BICC1: variants seen among roughly 807,000 people sequenced by gnomAD.
The protein encoded by BICC1 is protein bicaudal C homolog 1.
In BICC1, 43 loss-of-function variants were observed where a neutral mutation model predicts 111.0. That is an observed-to-expected ratio of 0.39 (90% CI 0.30 to 0.50). The LOEUF (loss-of-function observed/expected upper bound fraction) is 0.50. Ranked by LOEUF, BICC1 falls within the 20% of genes least tolerant of loss-of-function variation. The pLI, the probability that BICC1 is intolerant of heterozygous loss-of-function variation, is 0.88. For synonymous variants in BICC1, 467 were observed against 434.4 expected (o/e 1.07, Z -0.93); for missense variants, 1,091 against 1,203.2 (o/e 0.91, Z 1.38).
intron 1 of BICC1, among the ~76,000 whole-genome samples, chr10:58,608,927 G>A (rs1457963107): frequency 1.3e-5 from 2 of 152,174 alleles, no homozygotes; most frequent in Admixed American, 6.5e-5. Context: ...TCTCTTCTTT[G>A]CCCTCTGTCA....
intron 2 of BICC1, among the ~76,000 whole-genome samples, chr10:58,689,216 A>G (rs931767256): frequency 6.6e-6 from 1 of 152,142 alleles, no homozygotes; most frequent in Non-Finnish European, 1.5e-5. Context: ...AGCCTGTGGC[A>G]TCAGGGCTAC....
chr10:58,723,777 G>T (rs1841013301), intron 3 of BICC1, among the ~76,000 whole-genome samples: 1 of 152,184 alleles, frequency 6.6e-6, no homozygotes, highest in South Asian at 2.1e-4. Flanking sequence ...GCCACAGAAG[G>T]AATGATAGCT....
rs1019960981 is a variant in BICC1, at chr10:58,603,497, C to T, written c.191-17358C>T. 4.6e-5 allele frequency among the ~76,000 whole-genome samples: 7 copies of T among 152,104 alleles called. No homozygotes were observed. The South Asian group carries it at 6.2e-4, about 13-fold the overall frequency. Reference sequence around the variant, plus strand: ...AACTTGATTTTTCTCGTGAGCACCCCGCTACCTCTATGTATCTTCAAGTAA... The same window carrying T: ...AACTTGATTTTTCTCGTGAGCACCCTGCTACCTCTATGTATCTTCAAGTAA... On this transcript the variant is annotated intron_variant, in intron 1 of 20. Transcript: ENST00000373886.
intron 2 of BICC1, among the ~76,000 whole-genome samples, chr10:58,657,093 C>T (rs1838680449): frequency 6.6e-6 from 1 of 152,136 alleles, no homozygotes; most frequent in Non-Finnish European, 1.5e-5. Context: ...AAATGAGCTG[C>T]TAGCTTCTCC....
intron 14 of BICC1, among the ~76,000 whole-genome samples, chr10:58,802,452 T>G (rs770221215): frequency 6.6e-6 from 1 of 152,220 alleles, no homozygotes; most frequent in Non-Finnish European, 1.5e-5. Context: ...GATTTGAACT[T>G]GTGGTGCATG....
At chr10:58,571,927 G>C (rs917632995) in intron 1 of BICC1, among the ~76,000 whole-genome samples, 1 of 152,158 alleles carries the variant, frequency 6.6e-6, no homozygotes, top group African/African-American at 2.4e-5. Flanking sequence ...TTCCACAATG[G>C]TTGAACTAAT....
chr10:58,824,451 TGACCATATA>T (rs1844338148), intron 20 of BICC1, among the ~76,000 whole-genome samples: 2 of 152,204 alleles, frequency 1.3e-5, no homozygotes, highest in Non-Finnish European at 2.9e-5. Flanking sequence ...AGTGTTGCTT[TGACCATATA>T]GGGGCAGGCG....
intron 2 of BICC1, chr10:58,650,176 C>A (rs1262546993): frequency 6.6e-6 from 1 of 152,126 alleles, no homozygotes; most frequent in East Asian, 1.9e-4. Flanking sequence ...CAGTGCCATT[C>A]CTAATGTATA....
chr10:58,610,881 G>T (rs927154190), intron 1 of BICC1, among the ~76,000 whole-genome samples: 1 of 152,096 alleles, frequency 6.6e-6, no homozygotes, highest in African/African-American at 2.4e-5. Flanking sequence ...GTTTTCAGCT[G>T]TGAAGATTCT....
chr10:58,723,039 A>G (rs1202258765), intron 3 of BICC1, among the ~76,000 whole-genome samples: 1 of 152,164 alleles, frequency 6.6e-6, no homozygotes, highest in Admixed American at 6.5e-5. Flanking sequence ...ACTGATTTCA[A>G]TTTCTGGTTT....
In BICC1 at chr10:58,541,690, A is replaced by G. The variant is rs191568147; in HGVS notation, c.190+28357A>G. On this transcript the variant is annotated intron_variant, in intron 1 of 20. Coordinates refer to ENST00000373886, the MANE Select transcript of BICC1 (RefSeq NM_001080512.3). The stretch of plus-strand genomic sequence containing the variant: ...GAAATAGCAGTGTTATTTTTTGCAG[A>G]AATAGAAAAAAAAATTCTAAAATTC... Among the ~76,000 whole-genome samples the G allele has an allele frequency of 6.6e-4, 101 of 152,258 alleles. 1 individual carries two copies. Among genetic ancestry groups the G allele is most frequent in the African/African-American group, 2.4e-3 (98 of 41,570 alleles).
chr10:58,817,652 G>C lies in BICC1; in HGVS notation c.2624G>C (p.Gly875Ala), dbSNP rs1180890416. 5.0e-6 allele frequency: 8 copies of C among 1,613,472 alleles called. No individual in the cohort carries two copies. Among genetic ancestry groups the C allele is most frequent in the Non-Finnish European group, 6.8e-6 (8 of 1,179,636 alleles). The stretch of plus-strand genomic sequence containing the variant: ...TGTAACTTAAATAGCTCTTTCAAAG[G>C]TTCTGACCTCCCTGAGCTCTTCAGC... ...NGCNLNSSFK[G>A]SDLPELFSKL... Residue 875 changes from glycine (G) to alanine (A), a missense_variant, in exon 19 of 21, where the codon GGT (glycine) becomes GCT (alanine). Gly to Ala is a moderately conservative substitution (Grantham distance 60, BLOSUM62 0). This residue lies in a region of BICC1 where 231 missense variants were observed against 256.2 expected (regional missense o/e 0.90). Transcript: ENST00000373886.
chr10:58,669,400 T>C (rs1159086376), intron 2 of BICC1, among the ~76,000 whole-genome samples: 1 of 152,130 alleles, frequency 6.6e-6, no homozygotes, highest in Admixed American at 6.6e-5. Flanking sequence ...TTGTAGTTGG[T>C]TTTGAAAATT....
At chr10:58,628,171 C>G (rs4948527) in intron 2 of BICC1, among the ~76,000 whole-genome samples, 152,040 of 152,308 alleles carry the variant, frequency 1, 75,886 homozygotes, top group Middle Eastern at 1. Flanking sequence ...TACAATGGAC[C>G]TCCATTACTT....
Position 58,640,800 on chromosome 10 carries a change from C to T in BICC1, c.237+19899C>T, listed in dbSNP as rs1002891576. On this transcript the variant is annotated intron_variant, in intron 2 of 20. Transcript: ENST00000373886. ...ATAATTACTGATTATAATGTGTCTA[C>T]GAAAGAAACAACTTGGAAGGGACCT... Among the ~76,000 whole-genome samples the T allele has an allele frequency of 3.9e-5, 6 of 152,034 alleles. No homozygotes were observed. The South Asian group carries it at 1.2e-3, about 31-fold the overall frequency.
intron 3 of BICC1, among the ~76,000 whole-genome samples, chr10:58,780,095 C>T (rs1188370557): frequency 6.6e-6 from 1 of 152,156 alleles, no homozygotes; most frequent in African/African-American, 2.4e-5. Context: ...CAGGTAATGC[C>T]CGTCTTGATT....
At chr10:58,526,652 C>G (rs1842551143) in intron 1 of BICC1, among the ~76,000 whole-genome samples, 1 of 152,108 alleles carries the variant, frequency 6.6e-6, no homozygotes. Context: ...TTGTTCAATT[C>G]CCACCTAAGA....
At chr10:58,653,669 A>G (rs1427512021) in intron 2 of BICC1, among the ~76,000 whole-genome samples, 1 of 67,902 alleles carries the variant, frequency 1.5e-5, no homozygotes, top group Non-Finnish European at 2.9e-5. Context: ...TTTTACAAGT[A>G]TTGTTCTTTC....
rs1021354138 is a variant in BICC1, at chr10:58,556,608, G to A, written c.190+43275G>A. Among the ~76,000 whole-genome samples the A allele has an allele frequency of 8.5e-5, 13 of 152,080 alleles. No individual in the cohort carries two copies. In the Middle Eastern group the frequency reaches 0.01, roughly 119 times the overall value. ...CTTTTTTTTTAAAAATCACTCTTCAGATTGCTCATGAGTTTGTTTTTTTCT... is the reference window on the plus strand; with the variant it reads ...CTTTTTTTTTAAAAATCACTCTTCAAATTGCTCATGAGTTTGTTTTTTTCT... On this transcript the variant is annotated intron_variant, in intron 1 of 20. Transcript: ENST00000373886.
Sources: gnomAD v4.1 joint callset for allele counts (sites outside exome capture counted in the v4.1 genomes callset) on GRCh38, gnomAD v4.1.1 for gene constraint, gnomAD v4.1.1 regional missense constraint, MANE v1.5 for transcripts, NCBI Gene and HGNC (gene_info 2026-07-23, HGNC 2026-07-21) for gene names.